Variants in DNAJC12 observed in about 807,000 individuals in gnomAD.
The protein encoded by DNAJC12 is dnaJ homolog subfamily C member 12.
DNAJC12 carries 25 observed loss-of-function variants against 28.5 expected under a neutral mutation model. That is an observed-to-expected ratio of 0.88 (90% confidence interval 0.64 to 1.22). DNAJC12 has a LOEUF of 1.22. Among genes scored for constraint, DNAJC12 ranks in the 50% most tolerant of loss-of-function variants. The pLI is 0.00. For synonymous variants in DNAJC12, 77 were observed against 80.6 expected (o/e 0.95, Z 0.24); for missense variants, 222 against 231.7 (o/e 0.96, Z 0.27).
chr10:67,798,233 T>C (rs1429356327), intron 4 of DNAJC12, among the ~76,000 whole-genome samples: 1 of 152,098 alleles, frequency 6.6e-6, no homozygotes, highest in Non-Finnish European at 1.5e-5. Context: ...TAAAAGGTTT[T>C]GATATCGTCA....
At chr10:67,812,401 T>A (rs937341689) in intron 2 of DNAJC12, among the ~76,000 whole-genome samples, 2 of 152,170 alleles carry the variant, frequency 1.3e-5, no homozygotes, top group African/African-American at 4.8e-5. Context: ...ATAAATAACA[T>A]GGTAGATGCT....
intron 4 of DNAJC12, among the ~76,000 whole-genome samples, chr10:67,799,762 A>C (rs141394753): frequency 0.03 from 4,549 of 152,064 alleles, 234 homozygotes; most frequent in African/African-American, 0.1. Context: ...ACACGCCTGT[A>C]ATCCCAGCTA....
intron 2 of DNAJC12, among the ~76,000 whole-genome samples, chr10:67,812,863 A>C (rs1451979200): frequency 6.6e-6 from 1 of 150,752 alleles, no homozygotes; most frequent in African/African-American, 2.4e-5. Flanking sequence ...AAAAAAAAAA[A>C]CAAAAAAAAG....
At chr10:67,819,588 G>A (rs538894327) in intron 2 of DNAJC12, among the ~76,000 whole-genome samples, 62 of 150,674 alleles carry the variant, frequency 4.1e-4, no homozygotes, top group African/African-American at 1.4e-3. Flanking sequence ...GCAGTGAGCC[G>A]AGATCATGCC....
intron 3 of DNAJC12, among the ~76,000 whole-genome samples, chr10:67,807,019 T>C (rs1294941240): frequency 6.6e-6 from 1 of 152,154 alleles, no homozygotes; most frequent in Admixed American, 6.5e-5. Context: ...CCCAGCACTC[T>C]GGGAGGCCTA....
At chr10:67,826,969 A>G (rs1842043341) in intron 1 of DNAJC12, among the ~76,000 whole-genome samples, 1 of 143,880 alleles carries the variant, frequency 7.0e-6, no homozygotes, top group Non-Finnish European at 1.5e-5. Flanking sequence ...TATATATATC[A>G]TGATATATTA....
intron 4 of DNAJC12, among the ~76,000 whole-genome samples, chr10:67,797,896 C>A (rs936301894): frequency 2.0e-5 from 3 of 151,856 alleles, no homozygotes; most frequent in Non-Finnish European, 4.4e-5. Flanking sequence ...AAAAATTAGC[C>A]GGGCGTGGTG....
intron 3 of DNAJC12, among the ~76,000 whole-genome samples, chr10:67,806,627 C>T (rs558144473): frequency 1.3e-5 from 2 of 152,160 alleles, no homozygotes; most frequent in African/African-American, 4.8e-5. Flanking sequence ...AGTTCGAGAC[C>T]ATCCTTGGCC....
At chr10:67,819,241 G>C (rs945852748) in intron 2 of DNAJC12, among the ~76,000 whole-genome samples, 1 of 152,074 alleles carries the variant, frequency 6.6e-6, no homozygotes, top group African/African-American at 2.4e-5. Context: ...GCTGAGGCAG[G>C]AGAATGGCGT....
chr10:67,826,831 TATAAG>T (rs1311865740), intron 1 of DNAJC12, among the ~76,000 whole-genome samples: 7 of 131,838 alleles, frequency 5.3e-5, no homozygotes. Flanking sequence ...ATATATCATA[TATAAG>T]ATATCTAATG....
chr10:67,809,195 C>T (rs1008930397), intron 3 of DNAJC12, among the ~76,000 whole-genome samples: 3 of 152,036 alleles, frequency 2.0e-5, no homozygotes, highest in East Asian at 3.9e-4. Flanking sequence ...TTTGACTGTG[C>T]CTTTGCTGTG....
rs12774553 is a variant in DNAJC12, at chr10:67,826,797, C to A, written c.79-3405G>T. 5.7e-4 allele frequency among the ~76,000 whole-genome samples: 28 copies of A among 49,266 alleles called. 1 individual carries two copies. Among genetic ancestry groups the A allele is most frequent in the Non-Finnish European group, 8.1e-4 (15 of 18,472 alleles). The allele number at this position is 49,266 out of a possible 152,430, so 32.3% of individuals were successfully genotyped here. ...ATATATAATATATATCATTAGATAT[C>A]AGATATATAATGATATATATAATAT... is the stretch of plus-strand genomic sequence containing the variant. On this transcript the variant is annotated intron_variant, in intron 1 of 4. Transcript: ENST00000225171.
chr10:67,802,838 CGTGTGT>C (rs71006167), intron 4 of DNAJC12, among the ~76,000 whole-genome samples: 6,599 of 143,104 alleles, frequency 0.046, 171 homozygotes, highest in South Asian at 0.11. Context: ...AGTTATTGTG[CGTGTGT>C]GTGTGTGTGT....
chr10:67,808,678 A>G (rs1272070046), intron 3 of DNAJC12: 1 of 152,126 alleles, frequency 6.6e-6, no homozygotes, highest in Non-Finnish European at 1.5e-5. Flanking sequence ...CATTGGCACA[A>G]CATTTTTTTA....
chr10:67,801,291 T>C (rs1327933732), intron 4 of DNAJC12, among the ~76,000 whole-genome samples: 1 of 152,208 alleles, frequency 6.6e-6, no homozygotes, highest in Non-Finnish European at 1.5e-5. Context: ...ACAGGAATAA[T>C]ATTTCTTAAA....
intron 1 of DNAJC12, chr10:67,827,560 G>GC (rs1468044141): frequency 2.0e-5 from 3 of 151,932 alleles, no homozygotes; most frequent in Admixed American, 1.3e-4. Context: ...GGTCATGGGC[G>GC]CCTGTAATCT....
chr10:67,835,910 T>A (rs1842138456), intron 1 of DNAJC12, among the ~76,000 whole-genome samples: 1 of 152,178 alleles, frequency 6.6e-6, no homozygotes, highest in African/African-American at 2.4e-5. Flanking sequence ...TTTTGAATAT[T>A]ACACATTAAC....
intron 4 of DNAJC12, among the ~76,000 whole-genome samples, chr10:67,802,194 T>C (rs910522968): frequency 2.3e-4 from 35 of 152,194 alleles, no homozygotes; most frequent in African/African-American, 8.2e-4. Context: ...AGCATACATA[T>C]CACAATATGA....
intron 4 of DNAJC12, 86 bp downstream of exon 4, chr10:67,805,497 T>G: frequency 7.1e-7 from 1 of 1,399,160 alleles, no homozygotes. Flanking sequence ...GCTGTGCAGA[T>G]TGAAAAAGTT....
Sources: gnomAD v4.1 joint callset for allele counts (sites outside exome capture counted in the v4.1 genomes callset) on GRCh38, gnomAD v4.1.1 for gene constraint, MANE v1.5 for transcripts, NCBI Gene and HGNC (gene_info 2026-07-23, HGNC 2026-07-21) for gene names.